Variants in STAT6 observed in about 807,000 individuals in gnomAD.
The protein encoded by STAT6 is STAT, interleukin4-induced.
A neutral mutation model predicts 106.3 loss-of-function variants in STAT6; 45 were observed. The observed-to-expected ratio is 0.42, with a 90% CI of 0.33 to 0.54. The LOEUF is 0.54. Ranked by LOEUF, STAT6 falls within the 20% of genes least tolerant of loss-of-function variation. The pLI, the probability that STAT6 is intolerant of heterozygous loss-of-function variation, is 0.06. For synonymous variants in STAT6, 413 were observed against 413.6 expected, an observed-to-expected ratio of 1.00 and a Z score of 0.02; for missense variants, 797 against 1,062.2, an observed-to-expected ratio of 0.75 and a Z score of 3.47.
chr12:57,107,144 T>C, intron 4 of STAT6, 87 bp downstream of exon 4: 2 of 1,412,482 alleles, frequency 1.4e-6, no homozygotes, highest in Non-Finnish European at 2.0e-6. Context: ...GAGCCTTTAC[T>C]GAGGTTCAAA....
At chr12:57,105,378 G>A (rs1199078683) in intron 8 of STAT6, 39 bp from the exon 9 acceptor site, 3 of 1,609,876 alleles carry the variant, frequency 1.9e-6, no homozygotes, top group Admixed American at 1.7e-5. Context: ...TGGGGGCTAG[G>A]TCCCTGCTGG....
intron 11 of STAT6, chr12:57,104,008 C>T (rs902167138): frequency 2.4e-5 from 4 of 166,664 alleles, no homozygotes; most frequent in Admixed American, 2.4e-4. Flanking sequence ...AGGGCCTCAC[C>T]GTAGAGAAGT....
At chr12:57,110,111 C>G (rs1170580439) in intron 1 of STAT6, 1 of 152,298 alleles carries the variant, frequency 6.6e-6, no homozygotes, top group Non-Finnish European at 1.5e-5. Flanking sequence ...AGGCCTTTCT[C>G]TAGCCCAAGA....
intron 1 of STAT6, among the ~76,000 whole-genome samples, chr12:57,109,504 T>C (rs2034468095): frequency 6.6e-6 from 1 of 152,168 alleles, no homozygotes; most frequent in East Asian, 1.9e-4. Context: ...ACTGTGTTGT[T>C]AGGATCCCTT....
At chr12:57,100,951 T>C in intron 13 of STAT6, 1 of 449,206 alleles carries the variant, frequency 2.2e-6, no homozygotes, top group South Asian at 1.6e-5. Context: ...GTTGGGAGGA[T>C]TAAGTGAGAT....
Position 57,098,834 on chromosome 12 carries a change from G to A in STAT6, c.2024C>T (p.Ala675Val), listed in dbSNP as rs776644607. Residue 675 changes from alanine (A) to valine (V), a missense_variant, in exon 18 of 22, where the codon GCC becomes GTC. This residue lies in a region of STAT6 where 226 missense variants were observed against 236.7 expected (regional missense o/e 0.95). Coordinates refer to ENST00000300134, the MANE Select transcript of STAT6 (RefSeq NM_003153.5). ...TMVPSYDLGM[A>V]PDSSMSMQLG... ...CTGCATGCTCATGGAGGAATCAGGG[G>A]CCATTCCAAGGTCATAAGAAGGCAC... 1 of 1,613,354 alleles carries A rather than the reference G, an allele frequency of 6.2e-7. No homozygotes were observed. The highest frequency in any genetic ancestry group is 1.7e-5 in the Admixed American group (1 of 59,672).
In STAT6 at chr12:57,099,908, C is replaced by T; in HGVS notation, c.1608-5G>A. ...CTGATGAAGCCAATGATCAGCCTGG[C>T]CGGGATGAAGGAGAGGATGGGGCAT... On this transcript the variant is annotated splice_region_variant and splice_polypyrimidine_tract_variant and intron_variant, in intron 14 of 21. Coordinates refer to ENST00000300134, the MANE Select transcript of STAT6 (RefSeq NM_003153.5). This position sits in a 1 kb window ranked among gnomAD's most constrained non-coding sequence, Gnocchi z 4.7. The T allele has an allele frequency of 6.2e-7, 1 of 1,614,118 alleles. No individual in the cohort carries two copies. Among genetic ancestry groups the T allele is most frequent in the Non-Finnish European group, 8.5e-7 (1 of 1,180,026 alleles).
In STAT6 at chr12:57,099,320, T is replaced by C; in HGVS notation, c.1865A>G (p.Asp622Gly). The C allele has an allele frequency of 6.2e-7, 1 of 1,614,164 alleles. No individual in the cohort carries two copies. The highest frequency in any genetic ancestry group is 8.5e-7 in the Non-Finnish European group (1 of 1,180,024). Reference protein sequence around the residue: ...LKNLYPKKPKDEAFRSHYKPE... With the variant: ...LKNLYPKKPKGEAFRSHYKPE... The stretch of plus-strand genomic sequence containing the variant: ...CTTGTAGTGGCTCCGGAAAGCCTCA[T>C]CCTTGGGCTTCTTGGGATAGAGATT... The change falls in exon 16 of 22, where the codon GAT becomes GGT. Residue 622 changes from aspartate to glycine, a missense_variant. Around this residue, in one of 4 missense-constraint regions of STAT6, gnomAD observed 222 missense variants for 354.6 expected, o/e 0.63. Coordinates refer to ENST00000300134, the MANE Select transcript of STAT6 (RefSeq NM_003153.5). This position sits in a 1 kb window ranked among gnomAD's most constrained non-coding sequence, Gnocchi z 4.7.
chr12:57,097,553 G>C (rs1470034417), intron 19 of STAT6, among the ~76,000 whole-genome samples: 1 of 152,144 alleles, frequency 6.6e-6, no homozygotes, highest in African/African-American at 2.4e-5. Context: ...CTCAGGGGCA[G>C]GACAGAAAAT....
chr12:57,106,750 C>T lies in STAT6; in HGVS notation c.421G>A (p.Val141Ile), dbSNP rs377723871. The change falls in exon 5 of 22, where the codon GTA (valine) becomes ATA (isoleucine). Residue 141 changes from valine (V) to isoleucine (I), a missense_variant. Coordinates refer to ENST00000300134, the MANE Select transcript of STAT6 (RefSeq NM_003153.5). The part of the protein sequence containing the change: ...KTGLRRLQHR[V>I]GEIHLLREAL... ...TCTCGGAGAAGGTGGATCTCCCCTA[C>T]TCGGTGCTGCAGCCTCCGCAAGCCT... The T allele has an allele frequency of 1.8e-4, 287 of 1,614,048 alleles. No homozygotes were observed. Among genetic ancestry groups the T allele is most frequent in the Non-Finnish European group, 2.3e-4 (266 of 1,180,038 alleles).
rs766113639 is a variant in STAT6, at chr12:57,106,367, G to T, written c.532-28C>A. ...ATGGGCAGAGAGGGGCCTGAGCCAG[G>T]GCCTCACGCTGCCTCCACACCCAGC... On this transcript the variant is annotated intron_variant, in intron 6 of 21. Coordinates refer to ENST00000300134, the MANE Select transcript of STAT6 (RefSeq NM_003153.5). 71 of 1,613,416 alleles carry T rather than the reference G, an allele frequency of 4.4e-5. No individual in the cohort carries two copies. In the Admixed American group the frequency reaches 1.2e-3, roughly 27 times the overall value.
chr12:57,102,230 CCT>C, intron 13 of STAT6, 58 bp downstream of exon 13: 1 of 1,580,268 alleles, frequency 6.3e-7, no homozygotes, highest in African/African-American at 1.3e-5. Context: ...CTGAGCAGGC[CCT>C]GAGTGCCCCA....
chr12:57,102,073 C>T (rs867865067), intron 13 of STAT6, among the ~76,000 whole-genome samples: 1 of 152,164 alleles, frequency 6.6e-6, no homozygotes, highest in Admixed American at 6.5e-5. Context: ...AGATGGCCCC[C>T]AGACCAAAAC....
In STAT6 at chr12:57,106,223, C is replaced by T. The variant is rs376301728; in HGVS notation, c.648G>A (p.Pro216=). The part of the protein sequence containing the change: ...RQQQLAGNGA[P]FEESLAPLQE... Reference sequence around the variant, plus strand: ...GGAGTGGGGCCAGGCTCTCCTCAAACGGTGCGCCATTCCCTGCCAGCTGCT... The same window carrying T: ...GGAGTGGGGCCAGGCTCTCCTCAAATGGTGCGCCATTCCCTGCCAGCTGCT... Residue 216 remains proline (P), a synonymous_variant, in exon 7 of 22, where the codon CCG becomes CCA. Coordinates refer to ENST00000300134, the MANE Select transcript of STAT6 (RefSeq NM_003153.5). 56 of 1,614,206 alleles carry T rather than the reference C, an allele frequency of 3.5e-5. No homozygotes were observed. Among genetic ancestry groups the T allele is most frequent in the South Asian group, 5.5e-5 (5 of 91,088 alleles).
Position 57,096,619 on chromosome 12 carries a change from C to T in STAT6, c.2497G>A (p.Gly833Arg). The change falls in exon 22 of 22, where the codon GGG (glycine) becomes AGG (arginine). Residue 833 changes from glycine (G) to arginine (R), a missense_variant. By Grantham distance (125) the Gly-to-Arg change is moderately radical. Transcript: ENST00000300134. Reference sequence around the variant, plus strand: ...AGGTCCATGTGGGACATTGAGATCCCAGATTGCCCATAGTGGGAGGGCTGC... The same window carrying T: ...AGGTCCATGTGGGACATTGAGATCCTAGATTGCCCATAGTGGGAGGGCTGC... ...LLQPSHYGQS[G>R]ISMSHMDLRA... The T allele has an allele frequency of 6.2e-7, 1 of 1,608,094 alleles. No homozygotes were observed. The highest frequency in any genetic ancestry group is 8.5e-7 in the Non-Finnish European group (1 of 1,177,954).
At chr12:57,100,638 GAGAAAGAAAGAAAGAAAGAAAGAAAGAA>G (rs201086579) in intron 13 of STAT6, among the ~76,000 whole-genome samples, 18 of 100,136 alleles carry the variant, frequency 1.8e-4, no homozygotes, top group African/African-American at 4.4e-4. Context: ...GAAAGAGAAA[GAGAAAGAAAGAAAGAAAGAAAGAAAGAA>G]AGAAAGAAAG....
Position 57,106,287 on chromosome 12 carries a change from G to C in STAT6, c.584C>G (p.Ala195Gly). ...ETTGELEAAK[A>G]LVLKRIQIWK... ...AATCTGGATCCTCTTCAGCACTAGGGCTTTGGCTGCCTCTAGCTCTCCAGT... is the reference window on the plus strand; with the variant it reads ...AATCTGGATCCTCTTCAGCACTAGGCCTTTGGCTGCCTCTAGCTCTCCAGT... The change falls in exon 7 of 22, where the codon GCC becomes GGC. Residue 195 changes from alanine to glycine, a missense_variant. Ala to Gly is a moderately conservative substitution (Grantham distance 60). Transcript: ENST00000300134. 2.5e-6 allele frequency: 4 copies of C among 1,614,216 alleles called. No homozygotes were observed. The highest frequency in any genetic ancestry group is 3.4e-6 in the Non-Finnish European group (4 of 1,180,048).
chr12:57,111,289 T>TACATACAC lies in STAT6; in HGVS notation c.-183_-182insGTGTATGT, dbSNP rs2034569984. ...AAATAAGATAAAGCACACACATACA[T>TACATACAC]ACACACACACACACACACACACACA... is the stretch of plus-strand genomic sequence containing the variant. On this transcript the variant is annotated 5_prime_UTR_variant, in exon 1 of 22. It adds an upstream start codon to the 5' untranslated region. Transcript: ENST00000300134. 4.8e-5 allele frequency: 7 copies of TACATACAC among 145,676 alleles called. No individual in the cohort carries two copies. Among genetic ancestry groups the TACATACAC allele is most frequent in the Admixed American group, 4.1e-4 (6 of 14,592 alleles). The allele number at this position is 145,676 out of a possible 1,614,324, so 9.0% of individuals were successfully genotyped here. A position where few individuals can be genotyped will look rare whatever the true frequency, so the allele number is the denominator to read the frequency against.
intron 3 of STAT6, 34 bp from the exon 4 acceptor site, chr12:57,107,348 G>A (rs751205365): frequency 6.3e-7 from 1 of 1,591,874 alleles, no homozygotes; most frequent in South Asian, 1.1e-5. Flanking sequence ...AGTGAGCTTT[G>A]CTCTTACCCA....
Sources: allele counts gnomAD v4.1 joint callset (sites outside exome capture counted in the v4.1 genomes callset), GRCh38; gene constraint gnomAD v4.1.1; regional missense constraint gnomAD v4.1.1; non-coding constraint Gnocchi (gnomAD v3.1); transcripts MANE v1.5; gene names NCBI Gene and HGNC (gene_info 2026-07-23, HGNC 2026-07-21).